INPP4B: variants seen among roughly 807,000 people sequenced by gnomAD.
INPP4B encodes inositol polyphosphate 4-phosphatase type II.
A neutral mutation model predicts 122.5 loss-of-function variants in INPP4B; 55 were observed. The observed-to-expected ratio is 0.45, with a 90% CI of 0.36 to 0.56. The LOEUF (loss-of-function observed/expected upper bound fraction) is 0.56, where lower values mean the gene tolerates loss of function less well. Ranked by LOEUF, INPP4B falls within the 20% of genes least tolerant of loss-of-function variation. The pLI, the probability that INPP4B is intolerant of heterozygous loss-of-function variation, is 0.00. For missense variants in INPP4B, 1,000 were observed against 1,097.7 expected, an observed-to-expected ratio of 0.91 and a Z score of 1.26; for synonymous variants, 403 against 388.7, an observed-to-expected ratio of 1.04 and a Z score of -0.43.
intron 16 of INPP4B, 77 bp from the exon 17 acceptor site, chr4:142,160,638 AT>A: frequency 9.4e-7 from 1 of 1,061,626 alleles, no homozygotes. Context: ...TCAATTGCAG[AT>A]TTGTTGGTAC....
At chr4:142,388,043 CACAA>C (rs1309735119) in intron 7 of INPP4B, among the ~76,000 whole-genome samples, 3 of 152,210 alleles carry the variant, frequency 2.0e-5, no homozygotes, top group African/African-American at 7.2e-5. Context: ...CTTCCCCTTC[CACAA>C]ACAACTTCCA....
intron 25 of INPP4B, among the ~76,000 whole-genome samples, chr4:142,054,876 ATC>A (rs1229741916): frequency 2.2e-4 from 10 of 45,962 alleles, no homozygotes; most frequent in Non-Finnish European, 7.0e-4. Context: ...AAGTCTCTAT[ATC>A]TGTGTTAACT....
chr4:142,405,288 T>C lies in INPP4B; in HGVS notation c.173A>G (p.Lys58Arg). Reference sequence around the variant, plus strand: ...GGAGATCTGCACCAGTGTATTCAGTTTACGATCACGGACAGGAGCCACGAG... The same window carrying C: ...GGAGATCTGCACCAGTGTATTCAGTCTACGATCACGGACAGGAGCCACGAG... The part of the protein sequence containing the change: ...KDLVAPVRDR[K>R]LNTLVQISVI... The change falls in exon 6 of 26, where the codon AAA (lysine) becomes AGA (arginine). Residue 58 changes from lysine to arginine, a missense_variant. Coordinates refer to ENST00000262992, the MANE Select transcript of INPP4B (RefSeq NM_001101669.3). 1 of 1,613,550 alleles carries C rather than the reference T, an allele frequency of 6.2e-7. No individual in the cohort carries two copies. Among genetic ancestry groups the C allele is most frequent in the Non-Finnish European group, 8.5e-7 (1 of 1,179,690 alleles).
At chr4:142,833,418 T>C (rs1383617304) in intron 1 of INPP4B, among the ~76,000 whole-genome samples, 1 of 152,092 alleles carries the variant, frequency 6.6e-6, no homozygotes, top group Non-Finnish European at 1.5e-5. Context: ...TTCTCATAAA[T>C]ACAGGTAAAG....
intron 2 of INPP4B, among the ~76,000 whole-genome samples, chr4:142,644,496 C>T (rs1008526573): frequency 2.0e-5 from 3 of 151,644 alleles, no homozygotes; most frequent in South Asian, 2.1e-4. Context: ...TTTATTTTGC[C>T]AAACTTTGGT....
intron 7 of INPP4B, among the ~76,000 whole-genome samples, chr4:142,375,042 T>C (rs1218520423): frequency 1.3e-5 from 2 of 151,898 alleles, no homozygotes; most frequent in African/African-American, 4.8e-5. Context: ...TTTCTCTTCC[T>C]TCTTTTTGCT....
At chr4:142,304,563 T>G (rs943514324) in intron 9 of INPP4B, among the ~76,000 whole-genome samples, 5 of 152,106 alleles carry the variant, frequency 3.3e-5, no homozygotes, top group Non-Finnish European at 7.4e-5. Flanking sequence ...AGCCATCATA[T>G]CTTTACTGAA....
chr4:142,264,021 G>A (rs1446969870), intron 10 of INPP4B, among the ~76,000 whole-genome samples: 8 of 151,976 alleles, frequency 5.3e-5, no homozygotes, highest in Admixed American at 3.3e-4. Flanking sequence ...GGGTTGGGAC[G>A]GGGAGACTCC....
chr4:142,625,535 A>G (rs1746148714), intron 2 of INPP4B, among the ~76,000 whole-genome samples: 2 of 152,116 alleles, frequency 1.3e-5, no homozygotes, highest in African/African-American at 4.8e-5. Flanking sequence ...AAGAATCAAT[A>G]TCGTGAAAAT....
At chr4:142,316,877 T>C (rs1238412746) in intron 7 of INPP4B, among the ~76,000 whole-genome samples, 2 of 152,190 alleles carry the variant, frequency 1.3e-5, no homozygotes, top group African/African-American at 4.8e-5. Flanking sequence ...TCCATTGCAG[T>C]GAACACAAGC....
intron 2 of INPP4B, among the ~76,000 whole-genome samples, chr4:142,493,491 G>A (rs1012036468): frequency 1.3e-5 from 2 of 152,210 alleles, no homozygotes; most frequent in Non-Finnish European, 2.9e-5. Flanking sequence ...CCAAGGCTGT[G>A]GGAGCCCATC....
chr4:142,135,490 G>A (rs1036115566), intron 18 of INPP4B, among the ~76,000 whole-genome samples: 2 of 152,188 alleles, frequency 1.3e-5, no homozygotes, highest in Non-Finnish European at 2.9e-5. Flanking sequence ...TTAGGTCCAT[G>A]TTCTCCATGG....
At chr4:142,336,680 C>T (rs1230025530) in intron 7 of INPP4B, among the ~76,000 whole-genome samples, 2 of 152,206 alleles carry the variant, frequency 1.3e-5, no homozygotes, top group Non-Finnish European at 1.5e-5. Context: ...GTGCCCAAGG[C>T]GGAAGCCAAT....
intron 2 of INPP4B, among the ~76,000 whole-genome samples, chr4:142,614,360 T>C (rs1743242042): frequency 6.6e-6 from 1 of 152,116 alleles, no homozygotes; most frequent in Non-Finnish European, 1.5e-5. Context: ...AGAATGAAAG[T>C]GAGCTCCTAT....
chr4:142,159,513 C>G (rs1818977135), intron 17 of INPP4B, among the ~76,000 whole-genome samples: 1 of 151,790 alleles, frequency 6.6e-6, no homozygotes. Context: ...AATTTACTCC[C>G]CATTCTTAAA....
intron 2 of INPP4B, among the ~76,000 whole-genome samples, chr4:142,629,966 C>T (rs567157892): frequency 3.5e-4 from 53 of 152,218 alleles, no homozygotes; most frequent in African/African-American, 1.2e-3. Flanking sequence ...GATCCAAAGA[C>T]AGGCATAGGG....
chr4:142,708,061 A>C (rs1762670198), intron 2 of INPP4B, among the ~76,000 whole-genome samples: 1 of 152,200 alleles, frequency 6.6e-6, no homozygotes, highest in African/African-American at 2.4e-5. Context: ...GGTTGGAGGC[A>C]TTGTAACCCT....
At chr4:142,312,147 C>T (rs558558839) in intron 8 of INPP4B, among the ~76,000 whole-genome samples, 10 of 152,204 alleles carry the variant, frequency 6.6e-5, no homozygotes, top group South Asian at 2.1e-4. Flanking sequence ...AAGATGAAGA[C>T]GCAATGTAAT....
intron 7 of INPP4B, among the ~76,000 whole-genome samples, chr4:142,329,065 AAG>A (rs1390032856): frequency 1.3e-5 from 2 of 152,232 alleles, no homozygotes; most frequent in African/African-American, 4.8e-5. Flanking sequence ...TTTTAAGTAC[AAG>A]AGATATGGTC....
Sources: allele counts gnomAD v4.1 joint callset (sites outside exome capture counted in the v4.1 genomes callset), GRCh38; gene constraint gnomAD v4.1.1; transcripts MANE v1.5; gene names NCBI Gene and HGNC (gene_info 2026-07-23, HGNC 2026-07-21).